Variants in ZBTB20 observed in about 807,000 individuals in gnomAD.
ZBTB20 encodes zinc finger and BTB domain-containing protein 20.
In ZBTB20, 9 loss-of-function variants were observed where a neutral mutation model predicts 56.9. The observed-to-expected ratio is 0.16, with a 90% CI of 0.10 to 0.28. The LOEUF is 0.28. ZBTB20 is among the 10% of genes least tolerant of loss of function. ZBTB20 has a pLI of 1.00. For synonymous variants in ZBTB20, 417 were observed against 420.7 expected, an observed-to-expected ratio of 0.99 and a Z score of 0.11; for missense variants, 655 against 1,003.0, an observed-to-expected ratio of 0.65 and a Z score of 4.69.
At chr3:115,030,977 T>G (rs1441919649) in intron 2 of ZBTB20, among the ~76,000 whole-genome samples, 2 of 151,458 alleles carry the variant, frequency 1.3e-5, no homozygotes, top group African/African-American at 4.8e-5. Flanking sequence ...TATGCACAAA[T>G]TTTCTATACA....
chr3:114,733,197 T>C (rs1438985833), intron 5 of ZBTB20, among the ~76,000 whole-genome samples: 1 of 152,118 alleles, frequency 6.6e-6, no homozygotes, highest in Non-Finnish European at 1.5e-5. Context: ...GACTTACGGG[T>C]TCTATGAATT....
chr3:114,675,673 A>T (rs1351322729), intron 6 of ZBTB20, among the ~76,000 whole-genome samples: 1 of 152,162 alleles, frequency 6.6e-6, no homozygotes, highest in African/African-American at 2.4e-5. Context: ...GAATGCTCTG[A>T]ATTGTATGTT....
At chr3:114,699,246 T>C (rs2063243749) in intron 5 of ZBTB20, among the ~76,000 whole-genome samples, 1 of 152,120 alleles carries the variant, frequency 6.6e-6, no homozygotes, top group African/African-American at 2.4e-5. Context: ...GGACACATTC[T>C]AAAGAAAAAG....
intron 6 of ZBTB20, among the ~76,000 whole-genome samples, chr3:114,647,166 A>G (rs1210861476): frequency 2.0e-5 from 3 of 151,942 alleles, no homozygotes; most frequent in Non-Finnish European, 4.4e-5. Flanking sequence ...CATCGTGTTA[A>G]CCAGGATGGT....
chr3:114,814,843 C>G (rs185407229), intron 4 of ZBTB20, among the ~76,000 whole-genome samples: 2 of 152,308 alleles, frequency 1.3e-5, no homozygotes, highest in Non-Finnish European at 1.5e-5. Context: ...CGTTCCCTAG[C>G]CCAAGCTGCA....
At chr3:115,010,615 A>G (rs188333761) in intron 2 of ZBTB20, among the ~76,000 whole-genome samples, 5 of 152,074 alleles carry the variant, frequency 3.3e-5, no homozygotes, top group Admixed American at 3.3e-4. Flanking sequence ...TAAAGTAGAT[A>G]TTTCTTAGAT....
rs2078684697 is a variant in ZBTB20 at position 114,316,363 on chromosome 3, G to C, written c.*22642C>G. 5 of 412,968 alleles carry C rather than the reference G, an allele frequency of 1.2e-5. No individual in the cohort carries two copies. The highest frequency in any genetic ancestry group is 9.3e-5 in the South Asian group (5 of 53,558). The allele number at this position is 412,968 out of a possible 1,614,324, so 25.6% of individuals were successfully genotyped here. ...TTTTATTTTTTGTGATCTGTTGCAA[G>C]AGTCCAACCTTGTTTCCTCTGCTGC... On this transcript the variant is annotated 3_prime_UTR_variant, in exon 12 of 12. Coordinates refer to ENST00000675478, the MANE Select transcript of ZBTB20 (RefSeq NM_001348800.3).
At chr3:114,512,529 CTTG>C (rs1363130411) in intron 6 of ZBTB20, among the ~76,000 whole-genome samples, 5 of 152,202 alleles carry the variant, frequency 3.3e-5, no homozygotes, top group Non-Finnish European at 7.4e-5. Flanking sequence ...GATTCCTCTT[CTTG>C]TTCTTTATTT....
chr3:114,971,291 T>C (rs776537142), intron 3 of ZBTB20, among the ~76,000 whole-genome samples: 1 of 152,200 alleles, frequency 6.6e-6, no homozygotes, highest in African/African-American at 2.4e-5. Flanking sequence ...AACTGAAGAT[T>C]CTGTGTAAGG....
At chr3:114,789,168 C>T (rs1032389026) in intron 5 of ZBTB20, among the ~76,000 whole-genome samples, 1 of 152,118 alleles carries the variant, frequency 6.6e-6, no homozygotes, top group African/African-American at 2.4e-5. Context: ...TATTTATCAA[C>T]TTATGTGTTC....
chr3:115,087,933 G>A (rs2083047738), intron 1 of ZBTB20, among the ~76,000 whole-genome samples: 1 of 151,932 alleles, frequency 6.6e-6, no homozygotes, highest in Non-Finnish European at 1.5e-5. Flanking sequence ...TTAAGGAAAG[G>A]GATGGAGTAA....
chr3:114,603,747 C>T (rs571642980), intron 6 of ZBTB20, among the ~76,000 whole-genome samples: 53 of 151,774 alleles, frequency 3.5e-4, no homozygotes, highest in Non-Finnish European at 6.6e-4. Context: ...TGAACAGACA[C>T]CTTATGGAAA....
At chr3:114,372,376 T>C (rs2083121046) in intron 10 of ZBTB20, among the ~76,000 whole-genome samples, 1 of 152,192 alleles carries the variant, frequency 6.6e-6, no homozygotes. Context: ...ACAGTGTAAC[T>C]TGAGCCAATG....
chr3:115,022,743 T>G (rs1482593859), intron 2 of ZBTB20, among the ~76,000 whole-genome samples: 2 of 151,008 alleles, frequency 1.3e-5, no homozygotes, highest in Non-Finnish European at 3.0e-5. Context: ...ATTATGGAAA[T>G]GATAAAAGCC....
intron 11 of ZBTB20, among the ~76,000 whole-genome samples, chr3:114,343,056 T>C (rs1189466134): frequency 6.6e-6 from 1 of 151,392 alleles, no homozygotes; most frequent in East Asian, 1.9e-4. Flanking sequence ...GGTAAAAGTA[T>C]ACGTTTTTCT....
At chr3:114,688,254 CA>C in intron 6 of ZBTB20, 1 of 152,056 alleles carries the variant, frequency 6.6e-6, no homozygotes, top group Non-Finnish European at 1.5e-5. Context: ...ACAACAACAA[CA>C]AAAAACCAAA....
intron 4 of ZBTB20, among the ~76,000 whole-genome samples, chr3:114,842,229 G>A (rs984468397): frequency 6.6e-6 from 1 of 151,936 alleles, no homozygotes; most frequent in African/African-American, 2.4e-5. Flanking sequence ...CTTCTTCTTT[G>A]TTGTTAGCCT....
intron 7 of ZBTB20, among the ~76,000 whole-genome samples, chr3:114,441,598 G>A (rs556529810): frequency 4.3e-4 from 65 of 152,226 alleles, no homozygotes; most frequent in African/African-American, 1.5e-3. Context: ...CATGTAAAGC[G>A]TGTGTTTGGG....
chr3:114,331,848 G>C lies in ZBTB20; in HGVS notation c.*7157C>G, dbSNP rs1344908797. ...GTATCTTGTTGTCACTGGGCAATAT[G>C]AATGTGAAACAGTTTTGTGCTGAGG... On this transcript the variant is annotated 3_prime_UTR_variant, in exon 12 of 12. Transcript: ENST00000675478. 1.3e-5 allele frequency: 2 copies of C among 152,148 alleles called. No homozygotes were observed. Among genetic ancestry groups the C allele is most frequent in the South Asian group, 4.1e-4 (2 of 4,824 alleles). The allele number at this position is 152,148 out of a possible 1,614,324, so 9.4% of individuals were successfully genotyped here.
Sources: allele counts gnomAD v4.1 joint callset (sites outside exome capture counted in the v4.1 genomes callset), GRCh38; gene constraint gnomAD v4.1.1; transcripts MANE v1.5; gene names NCBI Gene and HGNC (gene_info 2026-07-23, HGNC 2026-07-21).